Variants in ABCB8 observed in about 807,000 individuals in gnomAD.
The protein encoded by ABCB8 is mitochondrial potassium channel ATP-binding subunit.
In ABCB8, 52 loss-of-function variants were observed where a neutral mutation model predicts 73.0. That is an observed-to-expected ratio of 0.71 (90% CI 0.57 to 0.90). The LOEUF is 0.90. ABCB8 is among the 40% of genes least tolerant of loss of function. ABCB8 has a pLI of 0.00. For synonymous variants in ABCB8, 428 were observed against 423.5 expected (o/e 1.01, Z -0.13); for missense variants, 909 against 974.6 (o/e 0.93, Z 0.90).
At chr7:151,032,331 G>A (rs1000578005) in intron 1 of ABCB8, among the ~76,000 whole-genome samples, 3 of 152,242 alleles carry the variant, frequency 2.0e-5, no homozygotes, top group Non-Finnish European at 4.4e-5. Flanking sequence ...TGACTGCTGT[G>A]AGGGGAGTTA....
intron 9 of ABCB8, chr7:151,038,083 T>G (rs1796359484): frequency 6.5e-6 from 1 of 152,960 alleles, no homozygotes; most frequent in African/African-American, 2.4e-5. Flanking sequence ...GGCTTTGGAG[T>G]TCAGATGCTC....
chr7:151,045,062 T>C, intron 15 of ABCB8, 147 bp from the exon 16 acceptor site: 4 of 983,862 alleles, frequency 4.1e-6, no homozygotes, highest in Non-Finnish European at 5.7e-6. Flanking sequence ...TCCTTTCAGA[T>C]TGGGCATTGG....
chr7:151,035,910 A>G lies in ABCB8; in HGVS notation c.956A>G (p.Glu319Gly). The G allele has an allele frequency of 6.2e-7, 1 of 1,613,700 alleles. No homozygotes were observed. The highest frequency in any genetic ancestry group is 8.5e-7 in the Non-Finnish European group (1 of 1,180,004). Residue 319 changes from glutamate (E) to glycine (G), a missense_variant, in exon 7 of 16, where the codon GAG becomes GGG. By Grantham distance (98) the Glu-to-Gly change is moderately conservative. Transcript: ENST00000358849. ...QIARAMGVAD[E>G]ALGNVRTVRA... ...GCCAGGGCAATGGGCGTAGCAGACG[A>G]GGCCCTGGGCAATGTGCGGACTGTG...
rs546744607 is a variant in ABCB8, at chr7:151,041,236, C to G, written c.1617+4C>G. ...GGTTGTCGGCTTCATCAGCCAGGTG[C>G]GGGGCCACATGGGCAGCCCTTGGCT... On this transcript the variant is annotated splice_donor_region_variant and intron_variant, in intron 13 of 15. Transcript: ENST00000358849. The G allele has an allele frequency of 6.3e-7, 1 of 1,596,768 alleles. No individual in the cohort carries two copies. The highest frequency in any genetic ancestry group is 1.1e-5 in the South Asian group (1 of 90,642).
chr7:151,039,009 C>T (rs1425398044), intron 9 of ABCB8: 1 of 152,256 alleles, frequency 6.6e-6, no homozygotes, highest in Non-Finnish European at 1.5e-5. Flanking sequence ...ATCCTGAGTA[C>T]TCCTGATGGA....
At chr7:151,043,914 TG>T in intron 14 of ABCB8, 56 bp from the exon 15 acceptor site, 1 of 1,592,032 alleles carries the variant, frequency 6.3e-7, no homozygotes, top group Non-Finnish European at 8.6e-7. Flanking sequence ...TGTGCCCCTT[TG>T]TGGGCCACCC....
intron 14 of ABCB8, among the ~76,000 whole-genome samples, chr7:151,043,435 G>A (rs1351135279): frequency 1.3e-5 from 2 of 150,178 alleles, no homozygotes; most frequent in African/African-American, 2.5e-5. Flanking sequence ...ACAGTGCGGG[G>A]TGGGGGTCAG....
At chr7:151,037,072 G>A (rs1444372223) in intron 9 of ABCB8, 14 of 695,314 alleles carry the variant, frequency 2.0e-5, no homozygotes, top group African/African-American at 1.1e-4. Context: ...CTGGCAGAGC[G>A]GAAACTATCC....
At chr7:151,041,293 C>T in intron 13 of ABCB8, 61 bp downstream of exon 13, 1 of 1,522,202 alleles carries the variant, frequency 6.6e-7, no homozygotes. Context: ...GGCCCTGCCC[C>T]CTTAGTCCTC....
At chr7:151,043,140 C>T (rs1294976806) in intron 14 of ABCB8, among the ~76,000 whole-genome samples, 1 of 152,256 alleles carries the variant, frequency 6.6e-6, no homozygotes, top group African/African-American at 2.4e-5. Flanking sequence ...GGATGTTCCC[C>T]ACAGCCACAG....
rs780273507 is a variant in ABCB8, at chr7:151,041,125, G to A, written c.1510G>A (p.Glu504Lys). 1 of 1,613,422 alleles carries A rather than the reference G, an allele frequency of 6.2e-7. No individual in the cohort carries two copies. Among genetic ancestry groups the A allele is most frequent in the Non-Finnish European group, 8.5e-7 (1 of 1,180,002 alleles). ...AAAGACCACCGTGGCTTCCCTGCTG[G>A]AGCGCTTCTACGACCCCACGGCAGG... is the stretch of plus-strand genomic sequence containing the variant. ...GGKTTVASLLERFYDPTAGVV... is the reference protein window; with the variant it reads ...GGKTTVASLLKRFYDPTAGVV... Residue 504 changes from glutamate to lysine, a missense_variant, in exon 13 of 16, where the codon GAG (glutamate) becomes AAG (lysine). Coordinates refer to ENST00000358849, the MANE Select transcript of ABCB8 (RefSeq NM_007188.5).
At chr7:151,029,135 A>C (rs193269262) in intron 1 of ABCB8, 204 of 453,724 alleles carry the variant, frequency 4.5e-4, no homozygotes, top group African/African-American at 3.9e-3. Context: ...CCTCGTCTCT[A>C]CTAAAAAATA....
chr7:151,030,607 C>T (rs533374448), intron 1 of ABCB8, among the ~76,000 whole-genome samples: 7 of 152,256 alleles, frequency 4.6e-5, no homozygotes, highest in African/African-American at 1.7e-4. Context: ...CACTTGAGGT[C>T]AGGAGTTCAA....
At chr7:151,044,381 A>G (rs1796559394) in intron 15 of ABCB8, among the ~76,000 whole-genome samples, 160 bp downstream of exon 15, 1 of 152,174 alleles carries the variant, frequency 6.6e-6, no homozygotes, top group African/African-American at 2.4e-5. Context: ...GAGTTCCTGC[A>G]TTCAGCCAAG....
At chr7:151,028,740 G>C in intron 1 of ABCB8, 130 bp downstream of exon 1, 1 of 1,536,922 alleles carries the variant, frequency 6.5e-7, no homozygotes, top group Non-Finnish European at 8.7e-7. Flanking sequence ...CTACCGGGGT[G>C]GAATGTCACT....
intron 15 of ABCB8, among the ~76,000 whole-genome samples, chr7:151,044,642 G>GCGGA (rs1456508423): frequency 3.3e-5 from 5 of 152,218 alleles, no homozygotes; most frequent in African/African-American, 1.2e-4. Flanking sequence ...TACTCTGGAG[G>GCGGA]CGGAGGCGGG....
Position 151,040,934 on chromosome 7 carries a change from C to G in ABCB8, c.1483+12C>G, listed in dbSNP as rs1221926574. The G allele has an allele frequency of 6.3e-7, 1 of 1,599,662 alleles. No homozygotes were observed. Among genetic ancestry groups the G allele is most frequent in the Non-Finnish European group, 8.5e-7 (1 of 1,172,908 alleles). ...CCAGTCTGGCGGAGGTAAGGGGAGC[C>G]CACCACCTCTTCACCCTCTGACTCT... On this transcript the variant is annotated intron_variant, in intron 12 of 15. Transcript: ENST00000358849.
intron 1 of ABCB8, chr7:151,033,007 T>C (rs1181152787): frequency 4.4e-6 from 2 of 456,552 alleles, no homozygotes; most frequent in African/African-American, 4.0e-5. Context: ...TTCTGCTGCC[T>C]GCGGACAAGT....
intron 10 of ABCB8, 95 bp from the exon 11 acceptor site, chr7:151,040,403 G>T: frequency 6.3e-7 from 1 of 1,584,002 alleles, no homozygotes; most frequent in East Asian, 2.2e-5. Flanking sequence ...CAGAGGAGCT[G>T]GGGAGACCCC....
Sources: allele counts gnomAD v4.1 joint callset (sites outside exome capture counted in the v4.1 genomes callset), GRCh38; gene constraint gnomAD v4.1.1; transcripts MANE v1.5; gene names NCBI Gene and HGNC (gene_info 2026-07-23, HGNC 2026-07-21).